The following CERS3 variants were observed in gnomAD, a reference collection of about 807,000 sequenced individuals.
The protein encoded by CERS3 is ceramide synthase 3.
In CERS3, 33 loss-of-function variants were observed where a neutral mutation model predicts 50.3. The ratio of observed to expected loss-of-function variants is 0.66; its 90% CI spans 0.50 to 0.88. The LOEUF is 0.88. Ranked by LOEUF, CERS3 falls within the 40% of genes least tolerant of loss-of-function variation. The pLI is 0.00. For synonymous variants in CERS3, 176 were observed against 155.2 expected, an observed-to-expected ratio of 1.13 and a Z score of -0.99; for missense variants, 470 against 460.3, an observed-to-expected ratio of 1.02 and a Z score of -0.19.
intron 1 of CERS3, among the ~76,000 whole-genome samples, chr15:100,528,590 A>G (rs2036860671): frequency 2.6e-5 from 4 of 152,154 alleles, no homozygotes; most frequent in Admixed American, 2.6e-4. Context: ...GCAAAACTCT[A>G]CAAAGCAAAG....
At chr15:100,406,862 C>T (rs2031074969) in intron 11 of CERS3, among the ~76,000 whole-genome samples, 1 of 152,196 alleles carries the variant, frequency 6.6e-6, no homozygotes, top group African/African-American at 2.4e-5. Flanking sequence ...CAGTTCCACA[C>T]TGGCTGGGAG....
At chr15:100,529,740 G>A (rs1229527128), upstream of CERS3, among the ~76,000 whole-genome samples, 7 of 152,320 alleles carry the variant, frequency 4.6e-5, no homozygotes, top group East Asian at 1.4e-3. Flanking sequence ...AAGGTGCTCT[G>A]ACAAGTAGAG....
chr15:100,409,398 G>C (rs935535805), intron 11 of CERS3, among the ~76,000 whole-genome samples: 1 of 151,872 alleles, frequency 6.6e-6, no homozygotes, highest in Non-Finnish European at 1.5e-5. Context: ...ACTGGCTAAG[G>C]TATGCTAGAA....
intron 1 of CERS3, among the ~76,000 whole-genome samples, chr15:100,540,898 C>T (rs1009424980): frequency 3.9e-5 from 6 of 152,174 alleles, no homozygotes; most frequent in African/African-American, 1.2e-4. Flanking sequence ...TTTCAAGCTA[C>T]GTATACTTTC....
In CERS3 at chr15:100,455,890, T is replaced by C; in HGVS notation, c.999+3A>G. ...AGAGCAATAATATTTGGACAGCCCT[T>C]ACCTTCATGAATATACATCTGTTGA... On this transcript the variant is annotated splice_donor_region_variant and intron_variant, in intron 11 of 11. Transcript: ENST00000679737. 1 of 1,605,558 alleles carries C rather than the reference T, an allele frequency of 6.2e-7. No individual in the cohort carries two copies.
intron 2 of CERS3, among the ~76,000 whole-genome samples, chr15:100,520,808 C>G (rs9806245): frequency 0.057 from 8,598 of 152,170 alleles, 454 homozygotes; most frequent in African/African-American, 0.12. Flanking sequence ...AGCTCTGTGT[C>G]AGCAAGCACA....
In CERS3 at chr15:100,400,910, G is replaced by T. The variant is rs2030471035; in HGVS notation, c.*1803C>A. ...ATCATATTATGCATATAATGCATAT[G>T]ATATTGTCCTCATAAAAGCAAATGT... On this transcript the variant is annotated 3_prime_UTR_variant, in exon 12 of 12. Transcript: ENST00000679737. 6.6e-6 allele frequency: 1 copy of T among 152,136 alleles called. No individual in the cohort carries two copies. Among genetic ancestry groups the T allele is most frequent in the Non-Finnish European group, 1.5e-5 (1 of 68,028 alleles). The allele number at this position is 152,136 out of a possible 1,614,324, so 9.4% of individuals were successfully genotyped here.
chr15:100,464,698 G>T (rs1410825671), intron 10 of CERS3, among the ~76,000 whole-genome samples: 1 of 152,170 alleles, frequency 6.6e-6, no homozygotes, highest in Non-Finnish European at 1.5e-5. Flanking sequence ...CCAAACTAGA[G>T]AAATCATTTT....
At chr15:100,418,075 G>A (rs1009081717) in intron 11 of CERS3, among the ~76,000 whole-genome samples, 18 of 152,062 alleles carry the variant, frequency 1.2e-4, no homozygotes, top group Non-Finnish European at 2.1e-4. Context: ...AACAAAGCTG[G>A]ATGGAGAATG....
At chr15:100,532,738 G>C (rs536968739), upstream of CERS3, among the ~76,000 whole-genome samples, 26 of 152,302 alleles carry the variant, frequency 1.7e-4, no homozygotes, top group Admixed American at 1.6e-3. Context: ...CAGACTGGGC[G>C]ACAGAGTAAG....
At position 100,466,419 on chromosome 15, in the gene CERS3, C is replaced by T. The variant is rs549504409; in HGVS notation, c.845+2959G>A. Among the ~76,000 whole-genome samples the T allele has an allele frequency of 9.9e-5, 15 of 152,264 alleles. No homozygotes were observed. In the East Asian group the frequency reaches 2.5e-3, roughly 26 times the overall value. ...TTTTTAAAAACATCCGCAAATTCTT[C>T]GAAACTGCTCCCATCAAGAAATGGA... On this transcript the variant is annotated intron_variant, in intron 10 of 11. Transcript: ENST00000679737.
At chr15:100,423,539 G>T (rs1472270890) in intron 11 of CERS3, among the ~76,000 whole-genome samples, 1 of 152,150 alleles carries the variant, frequency 6.6e-6, no homozygotes, top group Non-Finnish European at 1.5e-5. Flanking sequence ...AGTACTGTAT[G>T]TTCTCACTTA....
rs2032906372 is a variant in CERS3 at position 100,427,770 on chromosome 15, T to C, written c.1000-24905A>G. 2.6e-5 allele frequency among the ~76,000 whole-genome samples: 4 copies of C among 152,212 alleles called. No individual in the cohort carries two copies. The South Asian group carries it at 8.3e-4, about 32-fold the overall frequency. On this transcript the variant is annotated intron_variant, in intron 11 of 11. Coordinates refer to ENST00000679737, the MANE Select transcript of CERS3 (RefSeq NM_001378789.1). The stretch of plus-strand genomic sequence containing the variant: ...ATTTTCTTCTAACAAGTCTTCCTCA[T>C]AAATATGATGGCTTGAGCTAGAAAC...
At chr15:100,503,606 G>C (rs1374261826) in intron 2 of CERS3, 2 of 441,780 alleles carry the variant, frequency 4.5e-6, no homozygotes, top group Non-Finnish European at 9.5e-6. Context: ...TTAGAGGAAG[G>C]TATTCTCTCT....
intron 7 of CERS3, among the ~76,000 whole-genome samples, chr15:100,476,629 C>G (rs1375545610): frequency 6.6e-6 from 1 of 152,096 alleles, no homozygotes; most frequent in African/African-American, 2.4e-5. Context: ...TTAGCCCATT[C>G]TAAAATGGGA....
intron 11 of CERS3, among the ~76,000 whole-genome samples, chr15:100,407,963 C>T (rs545926717): frequency 4.6e-5 from 7 of 152,116 alleles, no homozygotes; most frequent in Non-Finnish European, 1.0e-4. Flanking sequence ...CCTCTGCCTC[C>T]AAGGTTCAAG....
chr15:100,506,154 T>C (rs1596781027), intron 2 of CERS3, among the ~76,000 whole-genome samples: 1 of 152,024 alleles, frequency 6.6e-6, no homozygotes, highest in East Asian at 1.9e-4. Flanking sequence ...CCATCAATGA[T>C]GACCCACAGA....
At chr15:100,493,680 GTC>G (rs1263601475) in intron 3 of CERS3, among the ~76,000 whole-genome samples, 2 of 152,036 alleles carry the variant, frequency 1.3e-5, no homozygotes, top group African/African-American at 2.4e-5. Flanking sequence ...TGGTATTCAA[GTC>G]TCTAAGACTA....
intron 11 of CERS3, among the ~76,000 whole-genome samples, chr15:100,451,124 G>A (rs938366587): frequency 1.3e-5 from 2 of 151,832 alleles, no homozygotes; most frequent in Admixed American, 6.6e-5. Flanking sequence ...AAACATACTG[G>A]TAGAACAAAC....
Sources: allele counts gnomAD v4.1 joint callset (sites outside exome capture counted in the v4.1 genomes callset), GRCh38; gene constraint gnomAD v4.1.1; transcripts MANE v1.5; gene names NCBI Gene and HGNC (gene_info 2026-07-23, HGNC 2026-07-21).